FAM83E: variants seen among roughly 807,000 people sequenced by gnomAD.
FAM83E encodes protein FAM83E.
FAM83E carries 29 observed loss-of-function variants against 34.3 expected under a neutral mutation model. The ratio of observed to expected loss-of-function variants is 0.85; its 90% CI spans 0.63 to 1.15. The LOEUF is 1.15. FAM83E is among the 50% of genes most tolerant of loss of function. The pLI is 0.00. For synonymous variants in FAM83E, 312 were observed against 311.6 expected (o/e 1.00, Z -0.01); for missense variants, 697 against 685.0 (o/e 1.02, Z -0.20).
intron 5 of FAM83E, among the ~76,000 whole-genome samples, chr19:48,605,971 C>T (rs1478006473): frequency 1.3e-5 from 2 of 152,178 alleles, no homozygotes; most frequent in African/African-American, 2.4e-5. Flanking sequence ...GCTGTGGGGG[C>T]CGGTGCCCTA....
rs1213523797 is a variant in FAM83E, at chr19:48,613,175, G to T, written c.198C>A (p.Gly66=). 1 of 1,612,174 alleles carries T rather than the reference G, an allele frequency of 6.2e-7. No homozygotes were observed. Among genetic ancestry groups the T allele is most frequent in the Non-Finnish European group, 8.5e-7 (1 of 1,179,920 alleles). ...WPFLSADEVQ[G]LAAAAEDWTV... is the part of the protein sequence containing the mutation. ...TCCAGTCTTCAGCTGCCGCTGCCAA[G>T]CCCTGAACCTCATCCGCACTGAGGA... Residue 66 remains glycine, a synonymous_variant, in exon 3 of 7, where the codon GGC becomes GGA. Coordinates refer to ENST00000263266, the MANE Select transcript of FAM83E (RefSeq NM_017708.4).
At position 48,613,239 on chromosome 19, in the gene FAM83E, G is replaced by A. The variant is rs1568422493; in HGVS notation, c.134C>T (p.Ala45Val). Residue 45 changes from alanine to valine, a missense_variant, in exon 3 of 7, where the codon GCG becomes GTG. Coordinates refer to ENST00000263266, the MANE Select transcript of FAM83E (RefSeq NM_017708.4). ...CTCGCGCTGCACGCAGGTCTGGAAC[G>A]CCTCCGCGCCCTTGCTCAACAGAGC... ...LEALLSKGAE[A>V]FQTCVQREEL... 3.7e-6 allele frequency: 6 copies of A among 1,610,374 alleles called. No individual in the cohort carries two copies. Among genetic ancestry groups the A allele is most frequent in the African/African-American group, 2.7e-5 (2 of 75,054 alleles).
intron 5 of FAM83E, among the ~76,000 whole-genome samples, chr19:48,608,480 G>A (rs1438883935): frequency 6.7e-5 from 9 of 133,462 alleles, no homozygotes; most frequent in Admixed American, 1.5e-4. Context: ...AGTCTCGCTC[G>A]GTCACCCAGG....
chr19:48,613,594 G>A lies in FAM83E; in HGVS notation c.-222C>T. Reference sequence around the variant, plus strand: ...CTGCCCAAATAAGCGACCATCCAATGTGTCAGGCCACTCAGATCCGCCACC... The same window carrying A: ...CTGCCCAAATAAGCGACCATCCAATATGTCAGGCCACTCAGATCCGCCACC... On this transcript the variant is annotated 5_prime_UTR_variant, in exon 3 of 7. Coordinates refer to ENST00000263266, the MANE Select transcript of FAM83E (RefSeq NM_017708.4). 7.2e-7 allele frequency: 1 copy of A among 1,391,422 alleles called. No homozygotes were observed. Among genetic ancestry groups the A allele is most frequent in the Non-Finnish European group, 9.3e-7 (1 of 1,077,034 alleles). The allele number at this position is 1,391,422 out of a possible 1,614,324, so 86.2% of individuals were successfully genotyped here.
At chr19:48,602,479 G>A (rs1254788100) in intron 6 of FAM83E, among the ~76,000 whole-genome samples, 1 of 150,804 alleles carries the variant, frequency 6.6e-6, no homozygotes, top group East Asian at 2.0e-4. Context: ...TGCAGCTGGG[G>A]AGGAACCGGA....
At chr19:48,607,398 A>G (rs369343473) in intron 5 of FAM83E, 1 of 1,525,408 alleles carries the variant, frequency 6.6e-7, no homozygotes, top group Non-Finnish European at 8.8e-7. Flanking sequence ...CAGATCCGCC[A>G]CTCCCCATGT....
intron 5 of FAM83E, among the ~76,000 whole-genome samples, chr19:48,606,026 C>G (rs183930166): frequency 2.8e-4 from 43 of 151,876 alleles, no homozygotes; most frequent in Non-Finnish European, 5.7e-4. Context: ...GCACCAAGTG[C>G]CAGGCGTGGT....
chr19:48,614,128 A>C lies in FAM83E; in HGVS notation c.-756T>G. On this transcript the variant is annotated 5_prime_UTR_variant, in exon 3 of 7. Transcript: ENST00000263266. Reference sequence around the variant, plus strand: ...CTGCTCGCTCAGCCTTAAAGGCCGAAGGCTTGGCAAACCCTTCCCTACCCT... The same window carrying C: ...CTGCTCGCTCAGCCTTAAAGGCCGACGGCTTGGCAAACCCTTCCCTACCCT... The C allele has an allele frequency of 2.0e-6, 2 of 985,694 alleles. No homozygotes were observed. The highest frequency in any genetic ancestry group is 2.4e-6 in the Non-Finnish European group (2 of 830,134). The allele number at this position is 985,694 out of a possible 1,614,324, so 61.1% of individuals were successfully genotyped here. A position where few individuals can be genotyped will look rare whatever the true frequency, so the allele number is the denominator to read the frequency against.
chr19:48,606,638 C>T (rs376593489), intron 5 of FAM83E: 4 of 292,880 alleles, frequency 1.4e-5, no homozygotes, highest in East Asian at 1.3e-4. Context: ...CCCGGCAGGT[C>T]GGCGGGGCAG....
chr19:48,614,021 G>C lies in FAM83E; in HGVS notation c.-649C>G. 3.0e-6 allele frequency: 3 copies of C among 985,392 alleles called. No homozygotes were observed. Among genetic ancestry groups the C allele is most frequent in the Non-Finnish European group, 3.6e-6 (3 of 829,926 alleles). 61.0% of individuals were successfully genotyped at this position (985,392 alleles called of 1,614,324 possible). A position where few individuals can be genotyped will look rare whatever the true frequency, so the allele number is the denominator to read the frequency against. ...TCTGCCTGTTGGAGCATCTGTCTCT[G>C]GCCAAATCTGACAGCCCCCACGAGT... On this transcript the variant is annotated 5_prime_UTR_variant, in exon 3 of 7. Coordinates refer to ENST00000263266, the MANE Select transcript of FAM83E (RefSeq NM_017708.4).
At chr19:48,609,318 C>T (rs1462087939) in intron 5 of FAM83E, among the ~76,000 whole-genome samples, 1 of 136,522 alleles carries the variant, frequency 7.3e-6, no homozygotes, top group Non-Finnish European at 1.5e-5. Context: ...TGCTCTGTCT[C>T]CCAGGCTGGA....
chr19:48,603,701 C>T lies in FAM83E; in HGVS notation c.969G>A (p.Ala323=). 1.5e-6 allele frequency: 2 copies of T among 1,371,228 alleles called. No individual in the cohort carries two copies. The highest frequency in any genetic ancestry group is 3.2e-5 in the East Asian group (1 of 31,494). 84.9% of individuals were successfully genotyped at this position (1,371,228 alleles called of 1,614,324 possible). ...GCGGGCCGTCAGGCGGCGGAGGCGA[C>T]GCGGGGGCCACGGAGCGGCGGCGGG... is the stretch of plus-strand genomic sequence containing the variant. The part of the protein sequence containing the change: ...RVSRRRSVAP[A]SPPPPDGPLA... The change falls in exon 6 of 7, where the codon GCG becomes GCA. Residue 323 remains alanine (A), a synonymous_variant. Coordinates refer to ENST00000263266, the MANE Select transcript of FAM83E (RefSeq NM_017708.4).
At chr19:48,608,450 T>TA (rs1235098371) in intron 5 of FAM83E, among the ~76,000 whole-genome samples, 6 of 147,586 alleles carry the variant, frequency 4.1e-5, no homozygotes, top group African/African-American at 1.3e-4. Context: ...TTTTTTTTTT[T>TA]TTTTTATTTT....
In FAM83E at chr19:48,613,193, AC is replaced by A. The variant is rs1411288817; in HGVS notation, c.179del (p.Ser60MetfsTer39). On this transcript the variant is annotated frameshift_variant, in exon 3 of 7. Transcript: ENST00000263266. LOFTEE classifies it high-confidence loss of function. The stretch of plus-strand genomic sequence containing the variant: ...CTGCCAAGCCCTGAACCTCATCCGC[AC>A]TGAGGAAGGGCCACAGCTCCTCGCG... ...VQREELWPFL[S>X]ADEVQGLAAA... The A allele has an allele frequency of 2.5e-6, 4 of 1,611,636 alleles. No individual in the cohort carries two copies. The highest frequency in any genetic ancestry group is 1.7e-5 in the Admixed American group (1 of 60,022).
chr19:48,607,412 C>T (rs1231391941), intron 5 of FAM83E: 2 of 1,506,150 alleles, frequency 1.3e-6, no homozygotes, highest in Non-Finnish European at 1.8e-6. Context: ...CCCATGTCCC[C>T]ATGTCCTTCC....
At chr19:48,612,692 G>A (rs183020895) in intron 3 of FAM83E, among the ~76,000 whole-genome samples, 29 of 152,190 alleles carry the variant, frequency 1.9e-4, no homozygotes, top group Non-Finnish European at 1.2e-4. Context: ...GTGAGCCACC[G>A]CGCCCGGCCG....
chr19:48,613,314 C>G lies in FAM83E; in HGVS notation c.59G>C (p.Gly20Ala). The change falls in exon 3 of 7, where the codon GGG becomes GCG. Residue 20 changes from glycine (G) to alanine (A), a missense_variant. Physicochemically the swap from Gly to Ala is moderately conservative, Grantham distance 60 (BLOSUM62 0). Coordinates refer to ENST00000263266, the MANE Select transcript of FAM83E (RefSeq NM_017708.4). ...EGVDSGPRVP[G>A]ASPGFLYSEG... ...GGAATATAGAAAGCCGGGGCTGGCC[C>G]CGGGCACCCTGGGACCGGAGTCCAC... 6.2e-7 allele frequency: 1 copy of G among 1,601,030 alleles called. No homozygotes were observed. Among genetic ancestry groups the G allele is most frequent in the Non-Finnish European group, 8.5e-7 (1 of 1,176,234 alleles).
Position 48,613,918 on chromosome 19 carries a change from G to A in FAM83E, c.-546C>T, listed in dbSNP as rs7246202. The A allele has an allele frequency of 9.2e-3, 9,065 of 985,164 alleles. 630 individuals are homozygous for A. In the African/African-American group the frequency reaches 0.15, roughly 16 times the overall value. 61.0% of individuals were successfully genotyped at this position (985,164 alleles called of 1,614,324 possible). On this transcript the variant is annotated 5_prime_UTR_variant, in exon 3 of 7. Transcript: ENST00000263266. ...CACGACAGGTTGCCTGCCTGCCCCC[G>A]GCCAAGAGCACGACGAACTGACCCT... is the stretch of plus-strand genomic sequence containing the variant.
Position 48,614,109 on chromosome 19 carries a change from G to A in FAM83E, c.-737C>T, listed in dbSNP as rs932357741. ...GGATGCCTCTCCACTGGGCCTGCTC[G>A]CTCAGCCTTAAAGGCCGAAGGCTTG... On this transcript the variant is annotated 5_prime_UTR_variant, in exon 3 of 7. Transcript: ENST00000263266. The A allele has an allele frequency of 6.1e-6, 6 of 985,566 alleles. No individual in the cohort carries two copies. Among genetic ancestry groups the A allele is most frequent in the African/African-American group, 3.5e-5 (2 of 57,234 alleles). The allele number at this position is 985,566 out of a possible 1,614,324, so 61.1% of individuals were successfully genotyped here. A position where few individuals can be genotyped will look rare whatever the true frequency, so the allele number is the denominator to read the frequency against.
Sources: allele counts gnomAD v4.1 joint callset (sites outside exome capture counted in the v4.1 genomes callset), GRCh38; gene constraint gnomAD v4.1.1; transcripts MANE v1.5; gene names NCBI Gene and HGNC (gene_info 2026-07-23, HGNC 2026-07-21).